SAMD12: variants seen among roughly 807,000 people sequenced by gnomAD.
SAMD12 encodes the protein sterile alpha motif domain containing 12.
Under a neutral mutation model 15.0 loss-of-function variants are expected in SAMD12, and 9 were observed. The ratio of observed to expected loss-of-function variants is 0.60; its 90% CI spans 0.36 to 1.05. The LOEUF is 1.05. Among genes scored for constraint, SAMD12 ranks in the 50% least tolerant of loss-of-function variants. SAMD12 has a pLI of 0.01. For synonymous variants in SAMD12, 86 were observed against 90.1 expected (o/e 0.96, Z 0.25); for missense variants, 230 against 234.2 (o/e 0.98, Z 0.12).
exon 5 of SAMD12, chr8:118,194,780 G>A (rs1819508418): frequency 6.6e-6 from 1 of 152,170 alleles, no homozygotes; most frequent in Non-Finnish European, 1.5e-5. Context: ...CAGCACAGTT[G>A]AAGTTAACCA....
At chr8:118,331,689 TAAC>T (rs1816813178) in intron 4 of SAMD12, among the ~76,000 whole-genome samples, 1 of 152,160 alleles carries the variant, frequency 6.6e-6, no homozygotes, top group African/African-American at 2.4e-5. Flanking sequence ...CATTTTAAAA[TAAC>T]AATTTCTAAG....
At chr8:118,326,542 T>C (rs1244949527) in intron 4 of SAMD12, among the ~76,000 whole-genome samples, 1 of 152,164 alleles carries the variant, frequency 6.6e-6, no homozygotes, top group Non-Finnish European at 1.5e-5. Flanking sequence ...GGAATGTGTA[T>C]CTGTGAGGAA....
the SAMD12 span, among the ~76,000 whole-genome samples, chr8:118,180,793 T>C: frequency 6.6e-6 from 1 of 152,260 alleles, no homozygotes; most frequent in East Asian, 1.9e-4. Flanking sequence ...AATCCTGGGC[T>C]CAAGGAATCC....
chr8:118,590,504 T>G (rs1563600755), intron 1 of SAMD12, among the ~76,000 whole-genome samples: 1 of 152,218 alleles, frequency 6.6e-6, no homozygotes, highest in Non-Finnish European at 1.5e-5. Context: ...TCAGAGGAAG[T>G]CTGGTAGACA....
At chr8:118,541,337 A>G (rs904547449) in intron 2 of SAMD12, among the ~76,000 whole-genome samples, 1 of 152,202 alleles carries the variant, frequency 6.6e-6, no homozygotes, top group South Asian at 2.1e-4. Flanking sequence ...TATTTTATAT[A>G]TATTTGTAGC....
intron 4 of SAMD12, among the ~76,000 whole-genome samples, chr8:118,249,546 G>A (rs568290014): frequency 2.6e-5 from 4 of 152,258 alleles, no homozygotes; most frequent in Admixed American, 6.5e-5. Flanking sequence ...CTTTATGTAC[G>A]TATGCATCAC....
the SAMD12 span, among the ~76,000 whole-genome samples, chr8:118,138,869 G>T: frequency 2.0e-5 from 3 of 152,138 alleles, no homozygotes; most frequent in Non-Finnish European, 2.9e-5. Flanking sequence ...CAGCTTTCTG[G>T]TGACTGCACA....
At chr8:118,152,384 CCCTTTCTTTCTT>C in the SAMD12 span, among the ~76,000 whole-genome samples, 1 of 151,732 alleles carries the variant, frequency 6.6e-6, no homozygotes, top group Non-Finnish European at 1.5e-5. Flanking sequence ...TTTTCTTTTT[CCCTTTCTTTCTT>C]CCTTTCTTTC....
downstream of SAMD12, among the ~76,000 whole-genome samples, chr8:118,373,157 A>G (rs1819194739): frequency 6.6e-6 from 1 of 152,208 alleles, no homozygotes; most frequent in Non-Finnish European, 1.5e-5. Flanking sequence ...TATGCAATAC[A>G]GAATATACCT....
At chr8:118,148,233 C>T in the SAMD12 span, among the ~76,000 whole-genome samples, 1 of 151,970 alleles carries the variant, frequency 6.6e-6, no homozygotes, top group Non-Finnish European at 1.5e-5. Context: ...CAGGCATAAG[C>T]CACTGTGCCT....
chr8:118,321,144 AATATATAT>A (rs4053452), intron 4 of SAMD12, among the ~76,000 whole-genome samples: 3,180 of 94,272 alleles, frequency 0.034, 99 homozygotes, highest in South Asian at 0.12. Context: ...ATAGATAATA[AATATATAT>A]ATATATATAT....
chr8:118,592,541 TTATAA>T (rs1338068414), intron 1 of SAMD12, among the ~76,000 whole-genome samples: 1 of 152,196 alleles, frequency 6.6e-6, no homozygotes, highest in East Asian at 1.9e-4. Flanking sequence ...GATAACTTCT[TTATAA>T]TATTTTAGAA....
rs142394182 is a variant in SAMD12 at position 118,258,972 on chromosome 8, T to A, written c.434-61240A>T. ...GGACTGTGGATTCTCATTTTAGATGTGTTCTATGAAAAGCTGGCTGACCAC... is the reference window on the plus strand; with the variant it reads ...GGACTGTGGATTCTCATTTTAGATGAGTTCTATGAAAAGCTGGCTGACCAC... On this transcript the variant is annotated intron_variant, in intron 4 of 4. Coordinates refer to the SAMD12 transcript ENST00000409003. Among the ~76,000 whole-genome samples, 4 of 152,202 alleles carry A rather than the reference T, an allele frequency of 2.6e-5. No individual in the cohort carries two copies. In the East Asian group the frequency reaches 7.7e-4, roughly 29 times the overall value.
chr8:118,198,916 T>C (rs1192194827), intron 4 of SAMD12, among the ~76,000 whole-genome samples: 1 of 152,072 alleles, frequency 6.6e-6, no homozygotes, highest in Non-Finnish European at 1.5e-5. Context: ...AGAAGCTATA[T>C]GCACAAATAG....
chr8:118,573,313 T>C (rs1827068673), intron 2 of SAMD12, among the ~76,000 whole-genome samples: 1 of 152,188 alleles, frequency 6.6e-6, no homozygotes. Flanking sequence ...CTCGAACTCC[T>C]GACCTCAAGT....
intron 4 of SAMD12, among the ~76,000 whole-genome samples, chr8:118,294,141 A>G (rs1256142141): frequency 6.6e-6 from 1 of 152,210 alleles, no homozygotes; most frequent in Non-Finnish European, 1.5e-5. Context: ...GCAATGAGGC[A>G]TGAGCTGACA....
intron 4 of SAMD12, among the ~76,000 whole-genome samples, chr8:118,253,041 T>A (rs1022483011): frequency 1.3e-5 from 2 of 152,138 alleles, no homozygotes; most frequent in African/African-American, 4.8e-5. Context: ...CAGCATTGGC[T>A]GGGGAGACCT....
chr8:118,178,359 G>A, the SAMD12 span, among the ~76,000 whole-genome samples: 1 of 152,054 alleles, frequency 6.6e-6, no homozygotes. Context: ...AAAAGTGAGG[G>A]ACACTTAGGA....
At chr8:118,460,013 T>G (rs912578841) in intron 2 of SAMD12, among the ~76,000 whole-genome samples, 1 of 152,220 alleles carries the variant, frequency 6.6e-6, no homozygotes, top group Admixed American at 6.5e-5. Context: ...GGGCTGTCTA[T>G]TTTAAAATGA....
Sources: allele counts gnomAD v4.1 joint callset (sites outside exome capture counted in the v4.1 genomes callset), GRCh38; gene constraint gnomAD v4.1.1; transcripts MANE v1.5; gene names NCBI Gene and HGNC (gene_info 2026-07-23, HGNC 2026-07-21).